LRIG1: variants seen among roughly 807,000 people sequenced by gnomAD.
LRIG1 encodes leucine-rich repeats and immunoglobulin-like domains protein 1.
In LRIG1, 48 loss-of-function variants were observed where a neutral mutation model predicts 99.2. The observed-to-expected ratio is 0.48, with a 90% CI of 0.38 to 0.62. The LOEUF is 0.62. Among genes scored for constraint, LRIG1 ranks in the 20% least tolerant of loss-of-function variants. LRIG1 has a pLI of 0.00. For missense variants in LRIG1, 1,646 were observed against 1,434.4 expected (o/e 1.15, Z -2.38); for synonymous variants, 772 against 596.1 (o/e 1.29, Z -4.30).
chr3:66,446,936 G>A (rs1480782365), intron 3 of LRIG1, among the ~76,000 whole-genome samples: 12 of 149,444 alleles, frequency 8.0e-5, no homozygotes, highest in Non-Finnish European at 1.6e-4. Flanking sequence ...AGGAGTATGG[G>A]GTTTTTTGGG....
chr3:66,382,659 G>A (rs374547188), intron 15 of LRIG1, among the ~76,000 whole-genome samples: 1 of 152,228 alleles, frequency 6.6e-6, no homozygotes, highest in Non-Finnish European at 1.5e-5. Context: ...GGGGCTCACA[G>A]AAGTACCGCA....
At chr3:66,437,138 TCC>T (rs1703387519) in intron 3 of LRIG1, among the ~76,000 whole-genome samples, 1 of 152,220 alleles carries the variant, frequency 6.6e-6, no homozygotes, top group Non-Finnish European at 1.5e-5. Context: ...GGGTGGCATC[TCC>T]CAGCATGGGC....
chr3:66,381,065 G>A (rs1180226185), intron 17 of LRIG1: 8 of 605,962 alleles, frequency 1.3e-5, no homozygotes, highest in South Asian at 4.0e-5. Context: ...GGGGTCTTTC[G>A]TGTTTACAGT....
chr3:66,493,659 G>C (rs2106930340), intron 1 of LRIG1, among the ~76,000 whole-genome samples: 1 of 152,166 alleles, frequency 6.6e-6, no homozygotes, highest in African/African-American at 2.4e-5. Flanking sequence ...GCTGGGTGTG[G>C]TAGCATGAGC....
chr3:66,417,340 C>G, intron 3 of LRIG1, 74 bp from the exon 4 acceptor site: 1 of 1,416,616 alleles, frequency 7.1e-7, no homozygotes, highest in Non-Finnish European at 9.8e-7. Context: ...TATTCCTGCA[C>G]CCCACCCCCC....
chr3:66,477,243 A>G (rs1700743745), intron 1 of LRIG1, among the ~76,000 whole-genome samples: 1 of 151,838 alleles, frequency 6.6e-6, no homozygotes, highest in African/African-American at 2.4e-5. Flanking sequence ...GGTTTTTTTA[A>G]CTGATGGCTG....
intron 3 of LRIG1, among the ~76,000 whole-genome samples, chr3:66,422,023 A>C (rs961212510): frequency 3.9e-5 from 6 of 152,226 alleles, no homozygotes; most frequent in Admixed American, 2.6e-4. Context: ...TTTCAGCTAC[A>C]GCTGGAGCAG....
intron 8 of LRIG1, chr3:66,406,405 T>C (rs988143409): frequency 3.0e-6 from 3 of 985,460 alleles, no homozygotes; most frequent in Middle Eastern, 5.2e-4. Context: ...GCCTTGTTAT[T>C]TGGGCCTTGT....
At chr3:66,433,142 A>AG (rs1703232573) in intron 3 of LRIG1, among the ~76,000 whole-genome samples, 1 of 152,210 alleles carries the variant, frequency 6.6e-6, no homozygotes, top group Non-Finnish European at 1.5e-5. Flanking sequence ...AGCACTCTCC[A>AG]GGGAACAAAA....
chr3:66,391,482 T>C (rs1054117274), intron 12 of LRIG1, among the ~76,000 whole-genome samples: 1 of 152,224 alleles, frequency 6.6e-6, no homozygotes, highest in Non-Finnish European at 1.5e-5. Flanking sequence ...TACTGATACA[T>C]GCTTAAAAAT....
chr3:66,427,586 G>C (rs1053664195), intron 3 of LRIG1, among the ~76,000 whole-genome samples: 37 of 152,292 alleles, frequency 2.4e-4, no homozygotes, highest in African/African-American at 8.7e-4. Flanking sequence ...GACTGCTTGC[G>C]GCCAGGAGTT....
At chr3:66,493,976 GAGAAAA>G (rs1191219840) in intron 1 of LRIG1, among the ~76,000 whole-genome samples, 3 of 142,852 alleles carry the variant, frequency 2.1e-5, no homozygotes, top group Admixed American at 7.1e-5. Flanking sequence ...AGAAAAGAAA[GAGAAAA>G]AGAGAAAGAG....
At chr3:66,494,481 C>T (rs1349626304) in intron 1 of LRIG1, among the ~76,000 whole-genome samples, 4 of 151,960 alleles carry the variant, frequency 2.6e-5, no homozygotes, top group African/African-American at 4.8e-5. Context: ...TAGCAAATGC[C>T]CATTTAGAAG....
chr3:66,438,906 C>T (rs1703451626), intron 3 of LRIG1, among the ~76,000 whole-genome samples: 1 of 152,222 alleles, frequency 6.6e-6, no homozygotes, highest in Admixed American at 6.5e-5. Context: ...AGGGAATGCA[C>T]ATCTCTGCCA....
At chr3:66,421,749 G>A (rs532333816) in intron 3 of LRIG1, among the ~76,000 whole-genome samples, 2 of 152,280 alleles carry the variant, frequency 1.3e-5, no homozygotes, top group African/African-American at 2.4e-5. Flanking sequence ...ATCCCACACT[G>A]CCCTAGCAGA....
At chr3:66,477,573 C>T (rs1700750629) in intron 1 of LRIG1, among the ~76,000 whole-genome samples, 1 of 152,198 alleles carries the variant, frequency 6.6e-6, no homozygotes, top group African/African-American at 2.4e-5. Flanking sequence ...ACTGTCTGGA[C>T]TTCAGACCAA....
At chr3:66,387,539 TA>T (rs1701435754) in intron 12 of LRIG1, 1 of 152,068 alleles carries the variant, frequency 6.6e-6, no homozygotes, top group South Asian at 2.1e-4. Flanking sequence ...GAAAAGTCAC[TA>T]GGCAAGCTGT....
At chr3:66,454,104 C>T (rs1215278828) in intron 2 of LRIG1, among the ~76,000 whole-genome samples, 4 of 152,186 alleles carry the variant, frequency 2.6e-5, no homozygotes, top group African/African-American at 9.7e-5. Context: ...GGCAACAGGG[C>T]TGCCTGACTT....
In LRIG1 at chr3:66,500,439, C is replaced by G; in HGVS notation, c.-32G>C. 7.6e-7 allele frequency: 1 copy of G among 1,317,432 alleles called. No individual in the cohort carries two copies. 81.6% of individuals were successfully genotyped at this position (1,317,432 alleles called of 1,614,324 possible). ...TGGAGCGCGCTGCGAACTCCGGGCG[C>G]GGGGACTGTGAGGACCCGAACGGCC... On this transcript the variant is annotated 5_prime_UTR_variant, in exon 1 of 19. Transcript: ENST00000273261.
Sources: gnomAD v4.1 joint callset for allele counts (sites outside exome capture counted in the v4.1 genomes callset) on GRCh38, gnomAD v4.1.1 for gene constraint, MANE v1.5 for transcripts, NCBI Gene and HGNC (gene_info 2026-07-23, HGNC 2026-07-21) for gene names.